Variants in RNF212B observed in about 807,000 individuals in gnomAD.
The protein encoded by RNF212B is ring finger protein 212B, also known as E3 ubiquitin-protein ligase RNF212B.
In RNF212B, 52 loss-of-function variants were observed where a neutral mutation model predicts 55.5. The observed-to-expected ratio is 0.94, with a 90% CI of 0.75 to 1.18. The LOEUF is 1.18. Ranked by LOEUF, RNF212B falls within the 50% of genes most tolerant of loss-of-function variation. The pLI is 0.00. For synonymous variants in RNF212B, 99 were observed against 121.4 expected (o/e 0.82, Z 1.21); for missense variants, 289 against 350.4 (o/e 0.82, Z 1.40).
At chr14:23,217,592 G>A (rs1308019821) in intron 2 of RNF212B, among the ~76,000 whole-genome samples, 1 of 152,104 alleles carries the variant, frequency 6.6e-6, no homozygotes, top group African/African-American at 2.4e-5. Context: ...ATTTTGGGGT[G>A]GGGGAGAAAG....
rs1026766977 is a variant in RNF212B, at chr14:23,273,381, T to G, written c.*490T>G. ...TCTATGCTTAGTTACTATTAAATGTTAATTTTCCTTTCTATTGAAAACAAC... is the reference window on the plus strand; with the variant it reads ...TCTATGCTTAGTTACTATTAAATGTGAATTTTCCTTTCTATTGAAAACAAC... On this transcript the variant is annotated 3_prime_UTR_variant, in exon 15 of 15. Coordinates refer to ENST00000430154, the MANE Select transcript of RNF212B (RefSeq NM_001282322.3). The G allele has an allele frequency of 5.2e-5, 8 of 152,616 alleles. No individual in the cohort carries two copies. Among genetic ancestry groups the G allele is most frequent in the African/African-American group, 1.9e-4 (8 of 41,588 alleles). 9.5% of individuals were successfully genotyped at this position (152,616 alleles called of 1,614,324 possible).
intron 4 of RNF212B, among the ~76,000 whole-genome samples, chr14:23,256,330 A>C (rs1884832290): frequency 6.6e-6 from 1 of 151,370 alleles, no homozygotes; most frequent in African/African-American, 2.4e-5. Flanking sequence ...ATTTTAGGTA[A>C]TTCCCAGGAT....
intron 2 of RNF212B, among the ~76,000 whole-genome samples, chr14:23,208,974 G>C (rs1351347002): frequency 6.6e-6 from 1 of 151,614 alleles, no homozygotes; most frequent in Non-Finnish European, 1.5e-5. Context: ...TAGCCGGGAT[G>C]GTCTCGATCT....
intron 11 of RNF212B, among the ~76,000 whole-genome samples, chr14:23,265,845 C>T (rs992816537): frequency 1.3e-5 from 2 of 152,054 alleles, no homozygotes; most frequent in Admixed American, 6.6e-5. Context: ...GTGGAAGTTT[C>T]GATTATTGAT....
intron 2 of RNF212B, among the ~76,000 whole-genome samples, chr14:23,213,804 A>G (rs1880805658): frequency 6.6e-6 from 1 of 152,242 alleles, no homozygotes; most frequent in Non-Finnish European, 1.5e-5. Flanking sequence ...CAGCCTCACA[A>G]AATAATACTC....
At chr14:23,223,761 A>C (rs1331981890) in intron 2 of RNF212B, among the ~76,000 whole-genome samples, 2 of 152,244 alleles carry the variant, frequency 1.3e-5, no homozygotes, top group East Asian at 3.8e-4. Flanking sequence ...AAGAGAAAGA[A>C]ATAAAGGGCA....
chr14:23,262,249 A>G (rs2140475628), intron 7 of RNF212B, among the ~76,000 whole-genome samples: 1 of 151,990 alleles, frequency 6.6e-6, no homozygotes, highest in South Asian at 2.1e-4. Flanking sequence ...GGAAATATAG[A>G]CCCAAATATA....
At chr14:23,211,089 A>G (rs7158499) in intron 2 of RNF212B, among the ~76,000 whole-genome samples, 5,954 of 151,604 alleles carry the variant, frequency 0.039, 391 homozygotes, top group African/African-American at 0.14. Flanking sequence ...GTGATGGCGT[A>G]CGCCTGTAAT....
chr14:23,240,353 G>A lies in RNF212B; in HGVS notation c.8G>A (p.Trp3Ter). The A allele has an allele frequency of 6.5e-7, 1 of 1,546,536 alleles. No homozygotes were observed. The highest frequency in any genetic ancestry group is 8.7e-7 in the Non-Finnish European group (1 of 1,143,586). ...CTCTTTATCTGCTCCAGAATGGATTGGTTTCATTGCAACCAGTGCTTCCGA... is the reference window on the plus strand; with the variant it reads ...CTCTTTATCTGCTCCAGAATGGATTAGTTTCATTGCAACCAGTGCTTCCGA... The part of the protein sequence containing the change: MD[W>*]FHCNQCFRKD... The change falls in exon 2 of 15, where the codon TGG becomes TAG. Residue 3 changes from tryptophan (W) to a stop codon, truncating the protein, a stop_gained. Transcript: ENST00000430154. LOFTEE classifies it high-confidence loss of function.
At chr14:23,208,756 C>CATTT (rs1880112383) in intron 2 of RNF212B, among the ~76,000 whole-genome samples, 2 of 43,034 alleles carry the variant, frequency 4.6e-5, no homozygotes, top group East Asian at 1.1e-3. Context: ...TGCTGGTTGC[C>CATTT]GTTTTTTTTT....
rs10141978 is a variant in RNF212B, at chr14:23,272,367, C to T, written c.835-456C>T. On this transcript the variant is annotated intron_variant, in intron 14 of 14. Coordinates refer to ENST00000430154, the MANE Select transcript of RNF212B (RefSeq NM_001282322.3). ...CCCGGGAGGCGGAGCTTGCAGTAAG[C>T]GGAGATGCACCACTGCACTCCAGCC... 6.9e-3 allele frequency: 1,239 copies of T among 180,824 alleles called. 16 individuals carry two copies. Among genetic ancestry groups the T allele is most frequent in the African/African-American group, 0.028 (1,167 of 41,580 alleles). 11.2% of individuals were successfully genotyped at this position (180,824 alleles called of 1,614,324 possible). A position where few individuals can be genotyped will look rare whatever the true frequency, so the allele number is the denominator to read the frequency against.
intron 1 of RNF212B, among the ~76,000 whole-genome samples, chr14:23,240,020 A>C (rs552452603): frequency 6.8e-6 from 1 of 146,590 alleles, no homozygotes; most frequent in Non-Finnish European, 1.5e-5. Flanking sequence ...ACACACACTC[A>C]TAACCTCACC....
At position 23,244,292 on chromosome 14, in the gene RNF212B, TTCTCACAGTGTGTATTGC is replaced by T; in HGVS notation, c.154-25_154-8del. 51 of 1,340,580 alleles carry T rather than the reference TTCTCACAGTGTGTATTGC, an allele frequency of 3.8e-5. No individual in the cohort carries two copies. The highest frequency in any genetic ancestry group is 5.1e-5 in the Non-Finnish European group (50 of 977,118). 83.0% of individuals were successfully genotyped at this position (1,340,580 alleles called of 1,614,324 possible). A position where few individuals can be genotyped will look rare whatever the true frequency, so the allele number is the denominator to read the frequency against. ...ATTTTATTTTATTCAATTGTGGATA[TTCTCACAGTGTGTATTGC>T]TCTCTTCGTAGCTGAAGCCTCAGGA... is the stretch of plus-strand genomic sequence containing the variant. On this transcript the variant is annotated splice_polypyrimidine_tract_variant and intron_variant, in intron 3 of 14. Coordinates refer to ENST00000430154, the MANE Select transcript of RNF212B (RefSeq NM_001282322.3).
At chr14:23,257,166 A>C (rs538377341) in intron 4 of RNF212B, among the ~76,000 whole-genome samples, 160 of 151,350 alleles carry the variant, frequency 1.1e-3, no homozygotes, top group African/African-American at 3.8e-3. Context: ...CACACAAAAA[A>C]AATAAAATAA....
At chr14:23,239,091 T>A (rs1883363863) in intron 1 of RNF212B, among the ~76,000 whole-genome samples, 1 of 151,984 alleles carries the variant, frequency 6.6e-6, no homozygotes, top group South Asian at 2.1e-4. Flanking sequence ...TCAGATGGAG[T>A]CTCACTCTGT....
intron 4 of RNF212B, among the ~76,000 whole-genome samples, chr14:23,249,136 A>G (rs567641190): frequency 6.6e-6 from 1 of 152,358 alleles, no homozygotes; most frequent in East Asian, 1.9e-4. Flanking sequence ...TTGAAGTCAT[A>G]TGTTTTTACT....
At position 23,264,655 on chromosome 14, in the gene RNF212B, CAG is replaced by C; in HGVS notation, c.622_623del (p.Asp208LeufsTer3). The C allele has an allele frequency of 7.5e-7, 1 of 1,327,808 alleles. No individual in the cohort carries two copies. The highest frequency in any genetic ancestry group is 9.7e-7 in the Non-Finnish European group (1 of 1,031,172). 82.3% of individuals were successfully genotyped at this position (1,327,808 alleles called of 1,614,324 possible). The stretch of plus-strand genomic sequence containing the variant: ...GAGGTCTGCAGGGAAGGAGAACTCC[CAG>C]AGACTCTTATAATGGTGAGGTGGGG... ...GRGLQGRRTPRDSYNETPSPA... is the reference protein window; with the variant it reads ...GRGLQGRRTPXDSYNETPSPA... On this transcript the variant is annotated frameshift_variant, in exon 11 of 15. Coordinates refer to ENST00000430154, the MANE Select transcript of RNF212B (RefSeq NM_001282322.3). LOFTEE classifies it high-confidence loss of function.
chr14:23,205,363 G>A (rs1879738321), intron 2 of RNF212B, among the ~76,000 whole-genome samples: 1 of 147,820 alleles, frequency 6.8e-6, no homozygotes, highest in Non-Finnish European at 1.5e-5. Flanking sequence ...ATATTTATTG[G>A]AAAATACCCA....
intron 4 of RNF212B, among the ~76,000 whole-genome samples, chr14:23,252,739 G>A (rs2140457618): frequency 6.6e-6 from 1 of 152,254 alleles, no homozygotes; most frequent in South Asian, 2.1e-4. Context: ...TTCCTCTGTG[G>A]GGGTCTTTAG....
Sources: gnomAD v4.1 joint callset for allele counts (sites outside exome capture counted in the v4.1 genomes callset) on GRCh38, gnomAD v4.1.1 for gene constraint, MANE v1.5 for transcripts, NCBI Gene and HGNC (gene_info 2026-07-23, HGNC 2026-07-21) for gene names.